CHN2: variants seen among roughly 807,000 people sequenced by gnomAD.
CHN2 encodes chimerin 2.
CHN2 carries 35 observed loss-of-function variants against 56.3 expected under a neutral mutation model. That is an observed-to-expected ratio of 0.62 (90% CI 0.47 to 0.82). The LOEUF (loss-of-function observed/expected upper bound fraction) is 0.82. Ranked by LOEUF, CHN2 falls within the 40% of genes least tolerant of loss-of-function variation. The probability of loss-of-function intolerance (pLI) is 0.00; values close to 1 mark genes in which losing one functional copy is unlikely to be tolerated. For missense variants in CHN2, 491 were observed against 580.5 expected, an observed-to-expected ratio of 0.85 and a Z score of 1.58; for synonymous variants, 210 against 212.8, an observed-to-expected ratio of 0.99 and a Z score of 0.12.
At chr7:29,498,240 T>C (rs756847773) in intron 8 of CHN2, among the ~76,000 whole-genome samples, 2 of 152,244 alleles carry the variant, frequency 1.3e-5, no homozygotes, top group Non-Finnish European at 2.9e-5. Context: ...CTAAACACTT[T>C]ATTAACTTTT....
chr7:29,502,103 C>T (rs1790033069), intron 9 of CHN2, among the ~76,000 whole-genome samples: 1 of 152,214 alleles, frequency 6.6e-6, no homozygotes, highest in Admixed American at 6.5e-5. Flanking sequence ...GAATGACCCA[C>T]ACCCATACCT....
intron 1 of CHN2, among the ~76,000 whole-genome samples, chr7:29,330,572 G>A (rs1180230999): frequency 6.6e-6 from 1 of 152,122 alleles, no homozygotes; most frequent in African/African-American, 2.4e-5. Flanking sequence ...TCATGTTCTT[G>A]GATGTTGTGT....
intron 3 of CHN2, among the ~76,000 whole-genome samples, chr7:29,389,684 T>G (rs1801206312): frequency 6.6e-6 from 1 of 152,130 alleles, no homozygotes; most frequent in Admixed American, 6.5e-5. Context: ...AAGTGGCATG[T>G]ATTGTGCCTC....
chr7:29,411,675 G>T (rs147092198), intron 6 of CHN2, among the ~76,000 whole-genome samples: 4 of 152,080 alleles, frequency 2.6e-5, no homozygotes. Flanking sequence ...CCCTCTTTCT[G>T]CTTGGCTCAA....
At chr7:29,228,122 A>T (rs1786355328) in intron 1 of CHN2, among the ~76,000 whole-genome samples, 1 of 148,442 alleles carries the variant, frequency 6.7e-6, no homozygotes, top group Non-Finnish European at 1.5e-5. Context: ...AAGCTACCTT[A>T]AAAAAAAACC....
At chr7:29,259,223 G>A (rs780560308) in intron 1 of CHN2, among the ~76,000 whole-genome samples, 16 of 152,028 alleles carry the variant, frequency 1.1e-4, no homozygotes, top group Non-Finnish European at 1.9e-4. Context: ...AGCTACTCAG[G>A]AGGCTGAGGT....
intron 2 of CHN2, among the ~76,000 whole-genome samples, chr7:29,186,235 CA>C (rs1203679159): frequency 6.6e-6 from 1 of 150,690 alleles, no homozygotes; most frequent in Non-Finnish European, 1.5e-5. Flanking sequence ...TGGCCTGCCC[CA>C]AAGTTTATGT....
intron 3 of CHN2, among the ~76,000 whole-genome samples, chr7:29,389,930 TG>T (rs1264602868): frequency 6.6e-6 from 1 of 151,514 alleles, no homozygotes; most frequent in African/African-American, 2.4e-5. Context: ...GGTATGCGCC[TG>T]TAATCCCAGC....
chr7:29,508,418 TAAAA>T (rs5883218), intron 11 of CHN2, among the ~76,000 whole-genome samples: 3 of 145,062 alleles, frequency 2.1e-5, no homozygotes, highest in Admixed American at 6.8e-5. Context: ...TGTTTTTATT[TAAAA>T]AAAAAAAAAA....
chr7:29,509,548 A>G (rs756164935), intron 12 of CHN2, 142 bp downstream of exon 12: 3 of 620,750 alleles, frequency 4.8e-6, no homozygotes, highest in Non-Finnish European at 5.7e-6. Flanking sequence ...TCAGTGTATC[A>G]TCCCTATGAA....
intron 2 of CHN2, among the ~76,000 whole-genome samples, chr7:29,167,996 T>TGACCACAGTTCCCAGATGACC (rs1330234292): frequency 6.6e-6 from 1 of 152,224 alleles, no homozygotes; most frequent in Non-Finnish European, 1.5e-5. Context: ...AACAGATGAC[T>TGACCACAGTTCCCAGATGACC]GACCACAGTT....
chr7:29,485,041 T>C (rs1562647579), intron 7 of CHN2, among the ~76,000 whole-genome samples: 1 of 152,180 alleles, frequency 6.6e-6, no homozygotes, highest in Non-Finnish European at 1.5e-5. Context: ...AACTTAGTTA[T>C]TCTTTGTCTC....
At chr7:29,330,108 T>C (rs370334327) in intron 1 of CHN2, among the ~76,000 whole-genome samples, 62 of 152,380 alleles carry the variant, frequency 4.1e-4, no homozygotes, top group African/African-American at 1.3e-3. Context: ...TGTAATAGGA[T>C]TTTATGTATT....
intron 6 of CHN2, among the ~76,000 whole-genome samples, chr7:29,430,010 G>C (rs1471934727): frequency 6.6e-6 from 1 of 152,188 alleles, no homozygotes; most frequent in Non-Finnish European, 1.5e-5. Context: ...ATCCACTTTA[G>C]GATGCTCCCC....
intron 1 of CHN2, among the ~76,000 whole-genome samples, chr7:29,236,841 T>A (rs1376847526): frequency 6.6e-6 from 1 of 152,158 alleles, no homozygotes; most frequent in Non-Finnish European, 1.5e-5. Flanking sequence ...CACCCTCACC[T>A]CTGCTTCTGT....
At chr7:29,264,157 G>T (rs1479596780) in intron 1 of CHN2, among the ~76,000 whole-genome samples, 1 of 145,510 alleles carries the variant, frequency 6.9e-6, no homozygotes, top group Non-Finnish European at 1.5e-5. Flanking sequence ...TCTGGGAGGT[G>T]GGGGGCCCCC....
At position 29,273,369 on chromosome 7, in the gene CHN2, A is replaced by G. The variant is rs181367419; in HGVS notation, c.49+78379A>G. Among the ~76,000 whole-genome samples, 143 of 48,548 alleles carry G rather than the reference A, an allele frequency of 2.9e-3. 6 individuals are homozygous for G. In the East Asian group the frequency reaches 0.045, roughly 15 times the overall value. The allele number at this position is 48,548 out of a possible 152,430, so 31.8% of individuals were successfully genotyped here. On this transcript the variant is annotated intron_variant, in intron 1 of 12. Coordinates refer to ENST00000222792, the MANE Select transcript of CHN2 (RefSeq NM_004067.4). ...TATATATATATATATATATATATAT[A>G]TATATATATATATATATATACACAC...
chr7:29,165,422 G>A (rs1795783753), intron 2 of CHN2, among the ~76,000 whole-genome samples: 1 of 152,000 alleles, frequency 6.6e-6, no homozygotes, highest in Non-Finnish European at 1.5e-5. Context: ...ATATTTTTGT[G>A]TGTGTAGGTT....
intron 6 of CHN2, among the ~76,000 whole-genome samples, chr7:29,429,032 G>T (rs777885375): frequency 6.6e-6 from 1 of 152,102 alleles, no homozygotes; most frequent in African/African-American, 2.4e-5. Context: ...CATTGAGTGG[G>T]GACTGTAACT....
Sources: allele counts gnomAD v4.1 joint callset (sites outside exome capture counted in the v4.1 genomes callset), GRCh38; gene constraint gnomAD v4.1.1; transcripts MANE v1.5; gene names NCBI Gene and HGNC (gene_info 2026-07-23, HGNC 2026-07-21).